Variants in ESD observed in about 807,000 individuals in gnomAD.
ESD encodes esterase D, also known as S-formylglutathione hydrolase.
In ESD, 34 loss-of-function variants were observed where a neutral mutation model predicts 38.1. The observed-to-expected ratio is 0.89, with a 90% CI of 0.68 to 1.19. ESD has a LOEUF of 1.19. Among genes scored for constraint, ESD ranks in the 50% most tolerant of loss-of-function variants. ESD has a pLI of 0.00. For missense variants in ESD, 334 were observed against 327.2 expected (o/e 1.02, Z -0.16); for synonymous variants, 97 against 107.0 (o/e 0.91, Z 0.58).
At chr13:46,785,440 C>T (rs1875159954) in intron 4 of ESD, among the ~76,000 whole-genome samples, 1 of 151,966 alleles carries the variant, frequency 6.6e-6, no homozygotes, top group South Asian at 2.1e-4. Context: ...TCAATGGTCA[C>T]CTTCACTTGG....
intron 9 of ESD, among the ~76,000 whole-genome samples, chr13:46,775,079 T>G (rs145167966): frequency 3.2e-4 from 48 of 152,222 alleles, no homozygotes; most frequent in African/African-American, 1.2e-3. Context: ...TTTTTCTCAC[T>G]GTGTAACTCC....
intron 1 of ESD, among the ~76,000 whole-genome samples, chr13:46,796,029 T>TTA (rs1274908809): frequency 4.6e-5 from 7 of 151,654 alleles, no homozygotes; most frequent in East Asian, 1.9e-4. Context: ...CTGGGGAAAA[T>TTA]TTTTTAAAAA....
intron 7 of ESD, 105 bp downstream of exon 7, chr13:46,781,391 A>G (rs1309318946): frequency 9.5e-7 from 1 of 1,053,714 alleles, no homozygotes; most frequent in Non-Finnish European, 1.3e-6. Context: ...ACACTAGAAA[A>G]GTTTAGTTCC....
intron 8 of ESD, 120 bp downstream of exon 8, chr13:46,779,815 G>C: frequency 2.9e-6 from 1 of 348,492 alleles, no homozygotes; most frequent in Admixed American, 4.7e-5. Flanking sequence ...TATATCTTTT[G>C]CTAATTTGTC....
chr13:46,772,419 C>T (rs141521786), intron 9 of ESD, among the ~76,000 whole-genome samples: 1,908 of 152,192 alleles, frequency 0.013, 38 homozygotes, highest in African/African-American at 0.042. Context: ...AAGGTATTAA[C>T]GCATTTTCCT....
chr13:46,777,602 C>T lies in ESD; in HGVS notation c.622G>A (p.Val208Met), dbSNP rs1293322336. 1 of 1,605,888 alleles carries T rather than the reference C, an allele frequency of 6.2e-7. No individual in the cohort carries two copies. The highest frequency in any genetic ancestry group is 1.3e-5 in the African/African-American group (1 of 74,600). The change falls in exon 9 of 10, where the codon GTG becomes ATG. Residue 208 changes from valine to methionine, a missense_variant. Transcript: ENST00000378720. ...AGCTGAGATCCTGGATAGGATTTCA[C>T]AAGGTGGGTAGCATCATAAGCCTGT... Reference protein sequence around the residue: ...KWKAYDATHLVKSYPGSQLDI... With the variant: ...KWKAYDATHLMKSYPGSQLDI...
At chr13:46,777,228 G>C (rs1048468886) in intron 9 of ESD, 15 of 321,932 alleles carry the variant, frequency 4.7e-5, no homozygotes, top group African/African-American at 3.0e-4. Flanking sequence ...TTACTGGTTT[G>C]ATGGAAAACA....
chr13:46,794,239 A>G (rs1182783230), intron 1 of ESD, among the ~76,000 whole-genome samples: 1 of 152,164 alleles, frequency 6.6e-6, no homozygotes, highest in Non-Finnish European at 1.5e-5. Context: ...ATTTTTCCCA[A>G]ATGTTAGTGA....
At chr13:46,791,596 T>G (rs1331421561) in intron 2 of ESD, among the ~76,000 whole-genome samples, 176 bp from the exon 3 acceptor site, 1 of 152,088 alleles carries the variant, frequency 6.6e-6, no homozygotes, top group Admixed American at 6.5e-5. Context: ...CGCTCATACA[T>G]GCATTTACAC....
chr13:46,794,161 A>AAACAAC lies in ESD; in HGVS notation c.-55-723_-55-718dup, dbSNP rs201107262. 5.0e-3 allele frequency among the ~76,000 whole-genome samples: 757 copies of AAACAAC among 151,440 alleles called. 6 individuals are homozygous for AAACAAC. The highest frequency in any genetic ancestry group is 0.017 in the African/African-American group (711 of 41,204). ...ACACCCTTCCTCCTTCCCCTCCAAA[A>AAACAAC]AACAACAACAACAACAACAACAACA... On this transcript the variant is annotated intron_variant, in intron 1 of 9. Transcript: ENST00000378720.
chr13:46,774,220 T>C (rs963989348), intron 9 of ESD, among the ~76,000 whole-genome samples: 2 of 152,004 alleles, frequency 1.3e-5, no homozygotes, highest in African/African-American at 2.4e-5. Context: ...ACATCTAAAA[T>C]CCAAAACAAA....
At chr13:46,772,636 A>C (rs997486086) in intron 9 of ESD, among the ~76,000 whole-genome samples, 1 of 151,492 alleles carries the variant, frequency 6.6e-6, no homozygotes, top group Admixed American at 6.6e-5. Context: ...TCCCCTCCAT[A>C]TATCCATGTG....
intron 7 of ESD, among the ~76,000 whole-genome samples, chr13:46,780,291 T>C (rs1005973443): frequency 1.3e-5 from 2 of 151,684 alleles, no homozygotes; most frequent in African/African-American, 2.4e-5. Flanking sequence ...AAACAATACA[T>C]TGCAATTTAA....
intron 8 of ESD, among the ~76,000 whole-genome samples, chr13:46,779,328 C>T (rs756283379): frequency 2.6e-4 from 39 of 151,670 alleles, no homozygotes; most frequent in Non-Finnish European, 1.3e-4. Flanking sequence ...TTCTATTACA[C>T]AACTGAGCAC....
chr13:46,786,921 A>G, intron 4 of ESD, 100 bp downstream of exon 4: 1 of 602,108 alleles, frequency 1.7e-6, no homozygotes, highest in African/African-American at 1.9e-5. Context: ...TCTTTCATAA[A>G]TGGCTCAAAA....
chr13:46,783,041 G>GGTAA (rs1482019790), intron 5 of ESD, among the ~76,000 whole-genome samples: 1 of 151,894 alleles, frequency 6.6e-6, no homozygotes, highest in Non-Finnish European at 1.5e-5. Context: ...CAGCTGCCAA[G>GGTAA]GTAAGATACA....
intron 3 of ESD, among the ~76,000 whole-genome samples, chr13:46,790,951 C>T (rs2138303720): frequency 6.6e-6 from 1 of 152,170 alleles, no homozygotes; most frequent in South Asian, 2.1e-4. Context: ...TTACTTAATG[C>T]CATGTTAGTC....
In ESD at chr13:46,787,008, G is replaced by C. The variant is rs1875216741; in HGVS notation, c.157+13C>G. On this transcript the variant is annotated intron_variant, in intron 4 of 9. Coordinates refer to ENST00000378720, the MANE Select transcript of ESD (RefSeq NM_001984.2). ...AGAAACGACTTTATAAAACTCAAAT[G>C]CATAATACTTACCTGAGAGCCAATA... 1 of 1,446,264 alleles carries C rather than the reference G, an allele frequency of 6.9e-7. No individual in the cohort carries two copies. The highest frequency in any genetic ancestry group is 2.2e-5 in the Admixed American group (1 of 44,616). The allele number at this position is 1,446,264 out of a possible 1,614,324, so 89.6% of individuals were successfully genotyped here. A position where few individuals can be genotyped will look rare whatever the true frequency, so the allele number is the denominator to read the frequency against.
intron 3 of ESD, among the ~76,000 whole-genome samples, chr13:46,788,989 A>T (rs1373925428): frequency 3.9e-5 from 6 of 152,146 alleles, no homozygotes; most frequent in African/African-American, 1.4e-4. Flanking sequence ...ATTGTCCAGT[A>T]CAACAGCTTC....
Sources: gnomAD v4.1 joint callset for allele counts (sites outside exome capture counted in the v4.1 genomes callset) on GRCh38, gnomAD v4.1.1 for gene constraint, MANE v1.5 for transcripts, NCBI Gene and HGNC (gene_info 2026-07-23, HGNC 2026-07-21) for gene names.